The following CLSTN2 variants were observed in gnomAD, a reference collection of about 807,000 sequenced individuals.
The protein encoded by CLSTN2 is calsyntenin-2.
Under a neutral mutation model 101.2 loss-of-function variants are expected in CLSTN2, and 48 were observed. That is an observed-to-expected ratio of 0.47 (90% CI 0.38 to 0.60). The LOEUF (loss-of-function observed/expected upper bound fraction) is 0.60. Among genes scored for constraint, CLSTN2 ranks in the 20% least tolerant of loss-of-function variants. The probability of loss-of-function intolerance (pLI) is 0.00; values close to 1 mark genes in which losing one functional copy is unlikely to be tolerated. For synonymous variants in CLSTN2, 481 were observed against 463.6 expected, an observed-to-expected ratio of 1.04 and a Z score of -0.48; for missense variants, 1,160 against 1,238.2, an observed-to-expected ratio of 0.94 and a Z score of 0.95.
intron 2 of CLSTN2, among the ~76,000 whole-genome samples, chr3:140,348,063 A>G (rs4683823): frequency 0.97 from 148,338 of 152,322 alleles, 72,340 homozygotes; most frequent in East Asian, 1. Flanking sequence ...TGGCACAGGT[A>G]CTGAGTGTTA....
At chr3:140,341,574 C>T (rs568499590) in intron 2 of CLSTN2, among the ~76,000 whole-genome samples, 39 of 152,322 alleles carry the variant, frequency 2.6e-4, no homozygotes, top group African/African-American at 8.9e-4. Flanking sequence ...AGGTTTCTAT[C>T]CAGCCACCTG....
chr3:140,162,908 C>A (rs2010073181), intron 1 of CLSTN2, among the ~76,000 whole-genome samples: 1 of 152,142 alleles, frequency 6.6e-6, no homozygotes, highest in Non-Finnish European at 1.5e-5. Context: ...CCTTCTAGAA[C>A]AAAGTTGGTA....
intron 8 of CLSTN2, among the ~76,000 whole-genome samples, chr3:140,525,597 T>G (rs375936877): frequency 2.0e-5 from 3 of 152,186 alleles, no homozygotes; most frequent in South Asian, 4.2e-4. Context: ...ATCATTCTGA[T>G]ACAAAAATCT....
chr3:140,050,180 C>A (rs867171530), intron 1 of CLSTN2, among the ~76,000 whole-genome samples: 1 of 152,180 alleles, frequency 6.6e-6, no homozygotes. Context: ...ATTAGATAAT[C>A]TTGAGCAAAT....
At chr3:140,502,695 G>T (rs1319686839) in intron 8 of CLSTN2, among the ~76,000 whole-genome samples, 2 of 152,156 alleles carry the variant, frequency 1.3e-5, no homozygotes, top group African/African-American at 2.4e-5. Flanking sequence ...TTGGAAAGCT[G>T]ATTGGTCGGG....
chr3:140,518,082 A>G (rs940295927), intron 8 of CLSTN2, among the ~76,000 whole-genome samples: 2 of 152,052 alleles, frequency 1.3e-5, no homozygotes, highest in Non-Finnish European at 2.9e-5. Flanking sequence ...AAGTAGGGAA[A>G]AGCCAGCACT....
intron 1 of CLSTN2, among the ~76,000 whole-genome samples, chr3:140,000,808 T>C (rs190443634): frequency 2.2e-4 from 33 of 152,322 alleles, no homozygotes; most frequent in African/African-American, 7.7e-4. Context: ...CTATCCTATG[T>C]CATCTCTACT....
At chr3:140,314,192 G>T (rs571073248) in intron 2 of CLSTN2, among the ~76,000 whole-genome samples, 7 of 152,232 alleles carry the variant, frequency 4.6e-5, no homozygotes, top group African/African-American at 1.7e-4. Flanking sequence ...TATCCTCAAA[G>T]CCAAGCTCCT....
chr3:140,059,179 G>T (rs989050987), intron 1 of CLSTN2, among the ~76,000 whole-genome samples: 1 of 152,218 alleles, frequency 6.6e-6, no homozygotes, highest in Admixed American at 6.5e-5. Context: ...TAACATACTA[G>T]CTCTTGCCTC....
intron 1 of CLSTN2, among the ~76,000 whole-genome samples, chr3:139,960,638 A>G (rs61461687): frequency 0.011 from 1,695 of 152,296 alleles, 28 homozygotes; most frequent in African/African-American, 0.039. Context: ...AGCTGTTTTA[A>G]GCATTCAATC....
intron 2 of CLSTN2, among the ~76,000 whole-genome samples, chr3:140,353,691 A>G (rs2087635785): frequency 1.3e-5 from 2 of 152,244 alleles, no homozygotes; most frequent in South Asian, 4.1e-4. Context: ...GGATGATTGT[A>G]TCTACCTCTC....
chr3:140,230,489 T>TG (rs1216362861), intron 2 of CLSTN2, among the ~76,000 whole-genome samples: 1 of 152,066 alleles, frequency 6.6e-6, no homozygotes, highest in Non-Finnish European at 1.5e-5. Flanking sequence ...TATTAGGAGG[T>TG]GGGGCTTTTG....
rs904058882 is a variant in CLSTN2, at chr3:139,935,270, C to T, written c.-105C>T. On this transcript the variant is annotated 5_prime_UTR_variant, in exon 1 of 17. Transcript: ENST00000458420. The surrounding 1 kb of genome is among the most constrained non-coding windows in gnomAD (Gnocchi z 5.5). ...CCGCGGCGGCAGCGCTAGAAGCGCACCCATCGGGCACGGCGAGGCGGCCCA... is the reference window on the plus strand; with the variant it reads ...CCGCGGCGGCAGCGCTAGAAGCGCATCCATCGGGCACGGCGAGGCGGCCCA... 11 of 514,216 alleles carry T rather than the reference C, an allele frequency of 2.1e-5. No homozygotes were observed. Among genetic ancestry groups the T allele is most frequent in the Non-Finnish European group, 2.9e-5 (10 of 340,906 alleles). 31.9% of individuals were successfully genotyped at this position (514,216 alleles called of 1,614,324 possible). A position where few individuals can be genotyped will look rare whatever the true frequency, so the allele number is the denominator to read the frequency against.
At position 140,572,408 on chromosome 3, in the gene CLSTN2, TTAAATA is replaced by T. The variant is rs1421871550; in HGVS notation, c.*6160_*6165del. ...AGAGAAAATAAGACAGAAGCAGTCC[TTAAATA>T]TAAACAGCAGCCAGGTGGACCTGGA... On this transcript the variant is annotated 3_prime_UTR_variant, in exon 17 of 17. Transcript: ENST00000458420. The T allele has an allele frequency of 6.6e-6, 1 of 152,258 alleles. No individual in the cohort carries two copies. Among genetic ancestry groups the T allele is most frequent in the Non-Finnish European group, 1.5e-5 (1 of 68,076 alleles). 9.4% of individuals were successfully genotyped at this position (152,258 alleles called of 1,614,324 possible).
chr3:140,327,226 C>G (rs1183064741), intron 2 of CLSTN2, among the ~76,000 whole-genome samples: 1 of 152,224 alleles, frequency 6.6e-6, no homozygotes, highest in Non-Finnish European at 1.5e-5. Context: ...GCTAGGCTTA[C>G]TGGTACCCAA....
chr3:140,035,089 A>C (rs9836684), intron 1 of CLSTN2, among the ~76,000 whole-genome samples: 79,754 of 152,132 alleles, frequency 0.52, 22,274 homozygotes, highest in South Asian at 0.76. Flanking sequence ...CACTGAGGAC[A>C]TTGTTTTCTG....
intron 2 of CLSTN2, among the ~76,000 whole-genome samples, chr3:140,261,095 T>C (rs944942196): frequency 3.9e-5 from 6 of 152,196 alleles, no homozygotes; most frequent in African/African-American, 1.2e-4. Context: ...TACTCATTTT[T>C]CCCTGCCCTC....
intron 6 of CLSTN2, 112 bp downstream of exon 6, chr3:140,448,816 T>A (rs1933162456): frequency 2.3e-5 from 21 of 923,910 alleles, no homozygotes; most frequent in Non-Finnish European, 3.1e-5. Context: ...CCTGCACTGA[T>A]ATGTGTAACT....
At chr3:140,229,815 T>A (rs1025876323) in intron 2 of CLSTN2, among the ~76,000 whole-genome samples, 1 of 152,122 alleles carries the variant, frequency 6.6e-6, no homozygotes, top group Non-Finnish European at 1.5e-5. Flanking sequence ...CTCTCTGAAA[T>A]GTTAAGTACT....
Sources: gnomAD v4.1 joint callset for allele counts (sites outside exome capture counted in the v4.1 genomes callset) on GRCh38, gnomAD v4.1.1 for gene constraint, Gnocchi (gnomAD v3.1) non-coding constraint, MANE v1.5 for transcripts, NCBI Gene and HGNC (gene_info 2026-07-23, HGNC 2026-07-21) for gene names.